Variants in TENM1 observed in about 807,000 individuals in gnomAD.
The protein encoded by TENM1 is teneurin-1.
A neutral mutation model predicts 174.8 loss-of-function variants in TENM1; 35 were observed. The observed-to-expected ratio is 0.20, with a 90% CI of 0.15 to 0.27. The LOEUF (loss-of-function observed/expected upper bound fraction) is 0.27. Ranked by LOEUF, TENM1 falls within the 10% of genes least tolerant of loss-of-function variation. The pLI is 1.00. For synonymous variants in TENM1, 781 were observed against 798.7 expected (o/e 0.98, Z 0.37); for missense variants, 1,633 against 2,130.1 (o/e 0.77, Z 4.59).
chrX:124,507,251 A>G (rs749456169), intron 18 of TENM1, among the ~76,000 whole-genome samples: 1 of 111,494 alleles, frequency 9.0e-6, no homozygotes, highest in African/African-American at 3.3e-5. Flanking sequence ...TGGTGTGCAT[A>G]TATTGAGAAG....
chrX:124,961,323 G>A (rs373020378), intron 1 of TENM1, among the ~76,000 whole-genome samples: 23 of 111,704 alleles, frequency 2.1e-4, no homozygotes, highest in African/African-American at 7.5e-4. Context: ...ATACAGTCTA[G>A]GAGAATATAT....
At chrX:124,914,622 C>T (rs1271720566) in intron 1 of TENM1, among the ~76,000 whole-genome samples, 1 of 111,362 alleles carries the variant, frequency 9.0e-6, no homozygotes, top group African/African-American at 3.3e-5. Flanking sequence ...ATATAAGTAT[C>T]ATCCATTCAT....
In TENM1 at chrX:124,756,033, C is replaced by T. The variant is rs749500642; in HGVS notation, c.536-18836G>A. Among the ~76,000 whole-genome samples, 631 of 103,702 alleles carry T rather than the reference C, an allele frequency of 6.1e-3. 3 individuals carry two copies. The highest frequency in any genetic ancestry group is 0.01 in the Non-Finnish European group (541 of 52,119). 90.1% of individuals were successfully genotyped at this position (103,702 alleles called of 115,157 possible). A position where few individuals can be genotyped will look rare whatever the true frequency, so the allele number is the denominator to read the frequency against. On this transcript the variant is annotated intron_variant, in intron 3 of 31. Coordinates refer to ENST00000422452, the Ensembl canonical transcript of TENM1. ...TGTATTTCCTGAATCTGAATGTTGGCCTGCCTTGCTAGATTTGGGAAGTTC... is the reference window on the plus strand; with the variant it reads ...TGTATTTCCTGAATCTGAATGTTGGTCTGCCTTGCTAGATTTGGGAAGTTC...
intron 11 of TENM1, among the ~76,000 whole-genome samples, chrX:124,605,599 T>C (rs748790865): frequency 4.4e-4 from 49 of 111,660 alleles, no homozygotes; most frequent in Non-Finnish European, 8.3e-4. Flanking sequence ...CAGTGTTGTC[T>C]GTATATTCAG....
At chrX:124,740,811 C>T (rs770862987) in intron 3 of TENM1, among the ~76,000 whole-genome samples, 2 of 111,297 alleles carry the variant, frequency 1.8e-5, no homozygotes, top group South Asian at 7.6e-4. Context: ...ATGAAAAATA[C>T]ATTAGTGTTC....
At chrX:124,885,658 T>C (rs746206286) in intron 3 of TENM1, among the ~76,000 whole-genome samples, 6 of 110,817 alleles carry the variant, frequency 5.4e-5, no homozygotes, top group African/African-American at 2.0e-4. Context: ...ATATTTTATT[T>C]TGGAGAGAAC....
At chrX:125,175,953 T>C in the TENM1 span, among the ~76,000 whole-genome samples, 1 of 111,851 alleles carries the variant, frequency 8.9e-6, no homozygotes, top group South Asian at 3.7e-4. Context: ...CTAACGACAT[T>C]ACTTGCTTAC....
chrX:124,961,260 T>C (rs1279328360), intron 1 of TENM1, among the ~76,000 whole-genome samples: 1 of 112,219 alleles, frequency 8.9e-6, no homozygotes, highest in Non-Finnish European at 1.9e-5. Context: ...ATATATTATA[T>C]GCAAAATTTT....
intron 3 of TENM1, among the ~76,000 whole-genome samples, chrX:124,875,295 T>C (rs1033292127): frequency 1.8e-5 from 2 of 111,149 alleles, no homozygotes; most frequent in African/African-American, 3.3e-5. Context: ...TATTCAACTA[T>C]ATTTTCTAAG....
At chrX:124,989,720 GA>G in the TENM1 span, among the ~76,000 whole-genome samples, 6,638 of 101,641 alleles carry the variant, frequency 0.065, 531 homozygotes, top group African/African-American at 0.22. Context: ...TCTTCTGCAG[GA>G]AAAAAAAAAA....
At chrX:124,572,846 T>G (rs1381117600) in intron 11 of TENM1, among the ~76,000 whole-genome samples, 2 of 111,523 alleles carry the variant, frequency 1.8e-5, no homozygotes, top group African/African-American at 3.3e-5. Context: ...TAAAACTTTA[T>G]TGAAGAACAC....
At chrX:124,607,980 A>C (rs1362686324) in intron 11 of TENM1, among the ~76,000 whole-genome samples, 1 of 111,050 alleles carries the variant, frequency 9.0e-6, no homozygotes, top group Admixed American at 9.6e-5. Context: ...GGTCTGAGTA[A>C]CTAGAAGAAC....
intron 15 of TENM1, among the ~76,000 whole-genome samples, chrX:124,542,681 T>C (rs183832450): frequency 9.0e-6 from 1 of 111,232 alleles, no homozygotes; most frequent in East Asian, 2.8e-4. Flanking sequence ...ACTTTTTTCC[T>C]ACTTTGGTGG....
At chrX:124,830,141 C>T (rs377588087) in intron 3 of TENM1, among the ~76,000 whole-genome samples, 1 of 111,499 alleles carries the variant, frequency 9.0e-6, no homozygotes, top group Non-Finnish European at 1.9e-5. Flanking sequence ...GTGTCATATG[C>T]AAATTTGTGG....
upstream of TENM1, among the ~76,000 whole-genome samples, chrX:124,965,067 T>TTTGA (rs762629657): frequency 3.1e-4 from 30 of 97,512 alleles, no homozygotes; most frequent in South Asian, 1.1e-3. Context: ...TATTGATCAA[T>TTTGA]TTGATTGATT....
the TENM1 span, among the ~76,000 whole-genome samples, chrX:125,050,885 T>C: frequency 8.9e-6 from 1 of 111,960 alleles, no homozygotes; most frequent in South Asian, 3.7e-4. Context: ...GGGTATTCAA[T>C]TAGGAAAAGA....
chrX:125,001,283 G>T, the TENM1 span, among the ~76,000 whole-genome samples: 4 of 110,988 alleles, frequency 3.6e-5, no homozygotes, highest in Admixed American at 1.9e-4. Flanking sequence ...CTCTGGTCTG[G>T]CAGCGCCCTT....
the TENM1 span, among the ~76,000 whole-genome samples, chrX:125,188,619 A>G: frequency 8.9e-6 from 1 of 111,959 alleles, no homozygotes; most frequent in Non-Finnish European, 1.9e-5. Context: ...CTTAAATGCC[A>G]TATTTAAAAT....
the TENM1 span, among the ~76,000 whole-genome samples, chrX:125,156,489 A>G: frequency 8.9e-6 from 1 of 112,191 alleles, no homozygotes; most frequent in Non-Finnish European, 1.9e-5. Context: ...GCTTTAACTT[A>G]TAAGTGAGAA....
Sources: gnomAD v4.1 joint callset for allele counts (sites outside exome capture counted in the v4.1 genomes callset) on GRCh38, gnomAD v4.1.1 for gene constraint, MANE v1.5 for transcripts, NCBI Gene and HGNC (gene_info 2026-07-23, HGNC 2026-07-21) for gene names.